NCOA1: variants seen among roughly 807,000 people sequenced by gnomAD.
NCOA1 encodes Hin-2 protein.
NCOA1 carries 35 observed loss-of-function variants against 150.9 expected under a neutral mutation model. That is an observed-to-expected ratio of 0.23 (90% CI 0.18 to 0.31). NCOA1 has a LOEUF of 0.31. Among genes scored for constraint, NCOA1 ranks in the 10% least tolerant of loss-of-function variants. NCOA1 has a pLI of 1.00. For synonymous variants in NCOA1, 590 were observed against 630.0 expected, an observed-to-expected ratio of 0.94 and a Z score of 0.95; for missense variants, 1,491 against 1,749.3, an observed-to-expected ratio of 0.85 and a Z score of 2.63.
chr2:24,647,621 G>A (rs1670531973), intron 4 of NCOA1, among the ~76,000 whole-genome samples: 1 of 152,022 alleles, frequency 6.6e-6, no homozygotes, highest in Admixed American at 6.6e-5. Flanking sequence ...GCAGTTGTGA[G>A]AAATAAGTGA....
chr2:24,541,872 A>G (rs898471997), intron 1 of NCOA1, among the ~76,000 whole-genome samples: 1 of 152,252 alleles, frequency 6.6e-6, no homozygotes, highest in Non-Finnish European at 1.5e-5. Flanking sequence ...ATGACACTGC[A>G]TCAGACTTTA....
chr2:24,610,573 T>C (rs1237258453), intron 3 of NCOA1, among the ~76,000 whole-genome samples: 2 of 152,108 alleles, frequency 1.3e-5, no homozygotes, highest in East Asian at 3.8e-4. Flanking sequence ...ATTTTTCAGA[T>C]TTGCCCATTC....
At chr2:24,650,904 G>A (rs371823232) in intron 4 of NCOA1, among the ~76,000 whole-genome samples, 2 of 152,026 alleles carry the variant, frequency 1.3e-5, no homozygotes, top group South Asian at 2.1e-4. Context: ...GTTGAGCATC[G>A]AAAATCTGAA....
intron 7 of NCOA1, among the ~76,000 whole-genome samples, chr2:24,682,737 C>T (rs1672234576): frequency 6.6e-6 from 1 of 152,058 alleles, no homozygotes; most frequent in Admixed American, 6.6e-5. Flanking sequence ...CTTCTGTGTG[C>T]TTATGGACTA....
In NCOA1 at chr2:24,741,983, C is replaced by G; in HGVS notation, c.3503C>G (p.Pro1168Arg). The G allele has an allele frequency of 6.2e-7, 1 of 1,614,214 alleles. No homozygotes were observed. The highest frequency in any genetic ancestry group is 1.1e-5 in the South Asian group (1 of 91,088). Residue 1168 changes from proline (P) to arginine (R), a missense_variant, in exon 19 of 23, where the codon CCC (proline) becomes CGC (arginine). Physicochemically the swap from Pro to Arg is moderately radical, Grantham distance 103. Coordinates refer to ENST00000348332, the MANE Select transcript of NCOA1 (RefSeq NM_003743.5). The stretch of plus-strand genomic sequence containing the variant: ...CCTCAGGGTGCTCCACAGCAATTCC[C>G]CTATCCACCAAACTATGGTACAAAT... ...RLPQGAPQQF[P>R]YPPNYGTNPG...
At chr2:24,635,477 AAAT>A (rs1669902230) in intron 3 of NCOA1, among the ~76,000 whole-genome samples, 1 of 152,200 alleles carries the variant, frequency 6.6e-6, no homozygotes, top group Non-Finnish European at 1.5e-5. Flanking sequence ...AAAAAAATAA[AAAT>A]AAAAAAATAA....
chr2:24,730,033 A>G (rs1162056149), intron 17 of NCOA1, among the ~76,000 whole-genome samples: 2 of 152,100 alleles, frequency 1.3e-5, no homozygotes, highest in Non-Finnish European at 2.9e-5. Context: ...TTTAGTAAAG[A>G]CAGGGTTTCA....
intron 19 of NCOA1, among the ~76,000 whole-genome samples, chr2:24,750,035 A>AAAAAC: frequency 6.6e-6 from 1 of 152,264 alleles, no homozygotes; most frequent in Non-Finnish European, 1.5e-5. Flanking sequence ...CTGAGATTTA[A>AAAAAC]AAAACAAAAC....
intron 14 of NCOA1, among the ~76,000 whole-genome samples, chr2:24,724,022 TG>T: frequency 6.6e-6 from 1 of 152,292 alleles, no homozygotes; most frequent in Non-Finnish European, 1.5e-5. Flanking sequence ...ATCCTAATCT[TG>T]GAAGTGACAG....
At chr2:24,540,460 CTTT>C (rs781276405) in intron 1 of NCOA1, among the ~76,000 whole-genome samples, 6 of 136,392 alleles carry the variant, frequency 4.4e-5, no homozygotes, top group African/African-American at 1.1e-4. Flanking sequence ...GGAGAACTGG[CTTT>C]TTTTTTTTTT....
At position 24,755,485 on chromosome 2, in the gene NCOA1, A is replaced by G. The variant is rs1168623095; in HGVS notation, c.3882-2488A>G. Among the ~76,000 whole-genome samples the G allele has an allele frequency of 3.3e-5, 5 of 152,262 alleles. No homozygotes were observed. In the East Asian group the frequency reaches 9.6e-4, roughly 29 times the overall value. ...TGTGGAACCCACTCTGGGCCAGAGT[A>G]TTCATCCTTCTCTTTTTCCCATCAT... On this transcript the variant is annotated intron_variant, in intron 20 of 22. Transcript: ENST00000348332.
intron 2 of NCOA1, among the ~76,000 whole-genome samples, chr2:24,567,480 G>A (rs981173400): frequency 6.6e-6 from 1 of 152,150 alleles, no homozygotes; most frequent in African/African-American, 2.4e-5. Context: ...TGGAATTGAA[G>A]ATGTCTTTTA....
At chr2:24,721,764 A>G (rs74361878) in intron 14 of NCOA1, among the ~76,000 whole-genome samples, 2,810 of 152,286 alleles carry the variant, frequency 0.018, 28 homozygotes, top group South Asian at 0.035. Flanking sequence ...TCAAATGACC[A>G]CTGAGCCTGG....
chr2:24,576,126 G>C (rs114082815), intron 2 of NCOA1, among the ~76,000 whole-genome samples: 2 of 124,126 alleles, frequency 1.6e-5, no homozygotes, highest in Non-Finnish European at 3.3e-5. Flanking sequence ...TTGTGTGAGA[G>C]TTTCAGAAAT....
chr2:24,495,448 C>T (rs922166902), intron 1 of NCOA1, among the ~76,000 whole-genome samples: 1 of 152,036 alleles, frequency 6.6e-6, no homozygotes, highest in African/African-American at 2.4e-5. Flanking sequence ...GAAGACTCAC[C>T]CTCATCTTGG....
intron 1 of NCOA1, among the ~76,000 whole-genome samples, chr2:24,555,519 GTCT>G (rs2148236675): frequency 6.6e-6 from 1 of 152,206 alleles, no homozygotes; most frequent in East Asian, 1.9e-4. Flanking sequence ...GTTATTTTCT[GTCT>G]TCTTGTTCTA....
chr2:24,728,972 AAC>A (rs150350657), intron 16 of NCOA1, among the ~76,000 whole-genome samples: 7 of 152,052 alleles, frequency 4.6e-5, no homozygotes, highest in Admixed American at 2.6e-4. Flanking sequence ...GCTGCATACA[AAC>A]ACACACACAC....
rs1042786811 is a variant in NCOA1 at position 24,752,026 on chromosome 2, C to T, written c.3751C>T (p.Pro1251Ser). 6.2e-7 allele frequency: 1 copy of T among 1,613,792 alleles called. No individual in the cohort carries two copies. The highest frequency in any genetic ancestry group is 1.3e-5 in the African/African-American group (1 of 74,868). ...GGCCAACTTTGCTCCATCTCTAAGC[C>T]CTGGGAGCTCCATGGTGCCGATGCC... ...GEANFAPSLS[P>S]GSSMVPMPIP... Residue 1251 changes from proline to serine, a missense_variant, in exon 20 of 23, where the codon CCT becomes TCT. Around this residue, in one of 8 missense-constraint regions of NCOA1, gnomAD observed 485 missense variants for 522.8 expected, o/e 0.93. Transcript: ENST00000348332.
chr2:24,689,833 T>C (rs1672581029), intron 8 of NCOA1, among the ~76,000 whole-genome samples: 1 of 152,210 alleles, frequency 6.6e-6, no homozygotes. Flanking sequence ...TTCATTTTTC[T>C]TTTTTTCCTC....
Sources: allele counts gnomAD v4.1 joint callset (sites outside exome capture counted in the v4.1 genomes callset), GRCh38; gene constraint gnomAD v4.1.1; regional missense constraint gnomAD v4.1.1; transcripts MANE v1.5; gene names NCBI Gene and HGNC (gene_info 2026-07-23, HGNC 2026-07-21).